EML2: variants seen among roughly 807,000 people sequenced by gnomAD.
EML2 encodes echinoderm microtubule-associated protein-like 2.
Under a neutral mutation model 84.7 loss-of-function variants are expected in EML2, and 59 were observed. That is an observed-to-expected ratio of 0.70 (90% CI 0.56 to 0.86). EML2 has a LOEUF of 0.86. EML2 is among the 40% of genes least tolerant of loss of function. The probability of loss-of-function intolerance (pLI) is 0.00; values close to 1 mark genes in which losing one functional copy is unlikely to be tolerated. For missense variants in EML2, 818 were observed against 855.6 expected (o/e 0.96, Z 0.55); for synonymous variants, 352 against 348.9 (o/e 1.01, Z -0.10).
upstream of EML2, chr19:45,642,002 A>T (rs1974564343): frequency 6.9e-7 from 1 of 1,445,776 alleles, no homozygotes; most frequent in East Asian, 2.5e-5. Flanking sequence ...CGAGCCATTA[A>T]GGGGCGTCCT....
upstream of EML2, chr19:45,643,431 C>A: frequency 8.5e-6 from 8 of 937,402 alleles, no homozygotes; most frequent in Admixed American, 4.4e-5. Context: ...CGCCTCTGTA[C>A]CCCGCGCCCC....
Position 45,622,195 on chromosome 19 carries a change from C to T in EML2, c.842-558G>A, listed in dbSNP as rs1445924700. On this transcript the variant is annotated intron_variant, in intron 9 of 18. Transcript: ENST00000245925. ...CCCATCTACCCTTTGACCCATACAC[C>T]CACCCATCCATCCATCCACTCACTT... Among the ~76,000 whole-genome samples, 9 of 152,076 alleles carry T rather than the reference C, an allele frequency of 5.9e-5. 1 individual carries two copies. In the South Asian group the frequency reaches 1.9e-3, roughly 32 times the overall value.
chr19:45,644,143 C>G (rs970638803), upstream of EML2, among the ~76,000 whole-genome samples: 3 of 152,222 alleles, frequency 2.0e-5, no homozygotes, highest in African/African-American at 7.2e-5. Flanking sequence ...TTAGCACGTT[C>G]CCGGCTCATG....
Position 45,619,061 on chromosome 19 carries a change from T to C in EML2, c.1253A>G (p.Glu418Gly). 6.2e-7 allele frequency: 1 copy of C among 1,607,632 alleles called. No individual in the cohort carries two copies. The highest frequency in any genetic ancestry group is 8.5e-7 in the Non-Finnish European group (1 of 1,175,510). ...TTTTCCAGTCCCCGGGCCCCTTACC[T>C]CGATGATCCTGCTCCACAGGGGCTG... ...SHQPLWSRII[E>G]DPARSAGFHP... Residue 418 changes from glutamate to glycine, a missense_variant and splice_region_variant, in exon 12 of 19, where the codon GAG becomes GGG. Transcript: ENST00000245925.
chr19:45,644,749 C>A, upstream of EML2: 1 of 456,118 alleles, frequency 2.2e-6, no homozygotes, highest in South Asian at 1.5e-5. Flanking sequence ...GTATCACACC[C>A]ATTTGTCTAG....
chr19:45,621,623 T>A lies in EML2; in HGVS notation c.856A>T (p.Thr286Ser), dbSNP rs753869736. ...YVWGKGGNRI[T>S]QAVLGAHDGG... ...TCGTGGGCGCCCAGCACCGCCTGTG[T>A]GATACGGTTCCCACCTGCAGGGTGG... Residue 286 changes from threonine to serine, a missense_variant, in exon 10 of 19, where the codon ACA becomes TCA. By Grantham distance (58) the Thr-to-Ser change is moderately conservative. Transcript: ENST00000245925. The A allele has an allele frequency of 6.2e-7, 1 of 1,608,256 alleles. No individual in the cohort carries two copies.
intron 11 of EML2, chr19:45,620,714 G>GAA (rs766591894): frequency 1.4e-3 from 147 of 107,180 alleles, no homozygotes; most frequent in Admixed American, 3.1e-3. Flanking sequence ...TCTCAAAAAT[G>GAA]AAAAAAAAAA....
chr19:45,624,419 C>T (rs376969195), intron 9 of EML2, among the ~76,000 whole-genome samples: 10 of 152,084 alleles, frequency 6.6e-5, no homozygotes, highest in South Asian at 4.2e-4. Context: ...ATTCATCTAC[C>T]CATCCGTCCT....
chr19:45,641,913 C>CT, upstream of EML2: 3 of 1,443,226 alleles, frequency 2.1e-6, no homozygotes, highest in Non-Finnish European at 2.7e-6. Flanking sequence ...GGCCTTGTGC[C>CT]TTACCTGCGC....
chr19:45,643,257 T>C (rs1470598202), upstream of EML2, among the ~76,000 whole-genome samples: 2 of 152,184 alleles, frequency 1.3e-5, no homozygotes, highest in Non-Finnish European at 2.9e-5. Context: ...GGTTCGACCC[T>C]AGAGCCAGCT....
Position 45,634,468 on chromosome 19 carries a change from A to G in EML2, c.183T>C (p.Tyr61=), listed in dbSNP as rs199664076. ...PSCRLKLEWV[Y]GYRGRDCRAN... Reference sequence around the variant, plus strand: ...CCCGGCAGTCTCGGCCACGGTAGCCATAGCTGGAGCCACCCAGGGGCTGGT... The same window carrying G: ...CCCGGCAGTCTCGGCCACGGTAGCCGTAGCTGGAGCCACCCAGGGGCTGGT... Residue 61 remains tyrosine (Y), a synonymous_variant, in exon 4 of 19, where the codon TAT becomes TAC. Coordinates refer to ENST00000245925, the MANE Select transcript of EML2 (RefSeq NM_012155.4). 14 of 1,611,612 alleles carry G rather than the reference A, an allele frequency of 8.7e-6. No individual in the cohort carries two copies. In the Middle Eastern group the frequency reaches 5.0e-4, roughly 57 times the overall value.
At chr19:45,616,646 C>G in intron 14 of EML2, 88 bp from the exon 15 acceptor site, 1 of 1,384,608 alleles carries the variant, frequency 7.2e-7, no homozygotes, top group Non-Finnish European at 1.0e-6. Flanking sequence ...GTCCCCAGCT[C>G]CATCCCCACT....
upstream of EML2, chr19:45,645,184 G>T (rs1974936985): frequency 4.3e-6 from 6 of 1,389,444 alleles, no homozygotes; most frequent in South Asian, 2.7e-5. Context: ...AAGGGAGGGG[G>T]TTGGGGACTT....
chr19:45,611,864 T>G (rs982989497), intron 18 of EML2, among the ~76,000 whole-genome samples: 6 of 151,866 alleles, frequency 4.0e-5, no homozygotes, highest in African/African-American at 1.4e-4. Context: ...TTCGTGTGTG[T>G]GGGTTTTTTT....
At chr19:45,633,943 C>G (rs1568478294) in intron 4 of EML2, among the ~76,000 whole-genome samples, 1 of 152,090 alleles carries the variant, frequency 6.6e-6, no homozygotes, top group Admixed American at 6.6e-5. Context: ...CCAGGCATTG[C>G]GTGAATTCAC....
At chr19:45,624,847 A>G in intron 8 of EML2, 29 bp from the exon 9 acceptor site, 1 of 1,541,566 alleles carries the variant, frequency 6.5e-7, no homozygotes, top group Non-Finnish European at 8.9e-7. Flanking sequence ...GGAAGGTGTC[A>G]GAGCGTCACT....
intron 18 of EML2, among the ~76,000 whole-genome samples, chr19:45,611,008 T>C (rs1970437610): frequency 6.6e-6 from 1 of 152,142 alleles, no homozygotes; most frequent in Non-Finnish European, 1.5e-5. Context: ...AAACCAACCA[T>C]AGAAGGCCAG....
At chr19:45,640,397 TCTC>T (rs1363313329), upstream of EML2, 1 of 140,928 alleles carries the variant, frequency 7.1e-6, no homozygotes, top group Non-Finnish European at 1.6e-5. Context: ...TTTCTTTCTC[TCTC>T]TTTTTTTTTT....
chr19:45,641,995 G>A, upstream of EML2: 1 of 1,446,910 alleles, frequency 6.9e-7, no homozygotes, highest in Non-Finnish European at 9.0e-7. Context: ...GGGGTCCCGA[G>A]CCATTAAGGG....
Sources: allele counts gnomAD v4.1 joint callset (sites outside exome capture counted in the v4.1 genomes callset), GRCh38; gene constraint gnomAD v4.1.1; transcripts MANE v1.5; gene names NCBI Gene and HGNC (gene_info 2026-07-23, HGNC 2026-07-21).